The following GLP2R variants were observed in gnomAD, a reference collection of about 807,000 sequenced individuals.
GLP2R encodes the protein glucagon-like peptide 2 receptor.
GLP2R carries 59 observed loss-of-function variants against 68.2 expected under a neutral mutation model. That is an observed-to-expected ratio of 0.87 (90% CI 0.70 to 1.07). GLP2R has a LOEUF of 1.07. Among genes scored for constraint, GLP2R ranks in the 50% least tolerant of loss-of-function variants. GLP2R has a pLI of 0.00. For synonymous variants in GLP2R, 270 were observed against 265.4 expected, an observed-to-expected ratio of 1.02 and a Z score of -0.17; for missense variants, 548 against 677.4, an observed-to-expected ratio of 0.81 and a Z score of 2.12.
intron 2 of GLP2R, among the ~76,000 whole-genome samples, chr17:9,834,952 C>G (rs1011164909): frequency 2.6e-5 from 4 of 151,490 alleles, no homozygotes; most frequent in Non-Finnish European, 5.9e-5. Context: ...GCAGCCAGGT[C>G]GACATGGTGT....
At chr17:9,874,366 A>G (rs1379863854) in intron 10 of GLP2R, among the ~76,000 whole-genome samples, 2 of 150,622 alleles carry the variant, frequency 1.3e-5, no homozygotes, top group Non-Finnish European at 2.9e-5. Context: ...AAAGCTTAAG[A>G]AGAAGAACTT....
intron 9 of GLP2R, among the ~76,000 whole-genome samples, chr17:9,864,064 T>C (rs12942260): frequency 0.15 from 23,413 of 152,184 alleles, 2,508 homozygotes; most frequent in East Asian, 0.49. Flanking sequence ...GCTACACCAA[T>C]GGTTCTCAAA....
At chr17:9,842,739 G>A in intron 4 of GLP2R, 123 bp downstream of exon 4, 2 of 1,029,426 alleles carry the variant, frequency 1.9e-6, no homozygotes, top group Admixed American at 2.5e-5. Context: ...TCTCCCCGGG[G>A]AAGCTAAGGA....
chr17:9,841,390 A>G (rs1456802701), intron 3 of GLP2R, among the ~76,000 whole-genome samples: 1 of 151,924 alleles, frequency 6.6e-6, no homozygotes, highest in Non-Finnish European at 1.5e-5. Flanking sequence ...TGTGAGGGGC[A>G]GGACTGTCAG....
intron 11 of GLP2R, among the ~76,000 whole-genome samples, chr17:9,886,535 C>A (rs1335682357): frequency 2.0e-5 from 3 of 152,348 alleles, no homozygotes; most frequent in African/African-American, 7.2e-5. Flanking sequence ...CCTGTCCCGC[C>A]AACCGCATAG....
intron 2 of GLP2R, among the ~76,000 whole-genome samples, chr17:9,835,449 G>A (rs577168716): frequency 6.6e-5 from 10 of 152,010 alleles, no homozygotes; most frequent in Non-Finnish European, 1.0e-4. Context: ...CAAACACCAG[G>A]GTAAATCATC....
At chr17:9,862,281 T>C (rs2293101) in intron 9 of GLP2R, among the ~76,000 whole-genome samples, 191 bp downstream of exon 9, 37,725 of 152,118 alleles carry the variant, frequency 0.25, 7,186 homozygotes, top group African/African-American at 0.52. Context: ...TGGAGTTACA[T>C]TGTAAGCCTC....
At chr17:9,827,685 G>A (rs932586747) in intron 1 of GLP2R, among the ~76,000 whole-genome samples, 46 of 152,160 alleles carry the variant, frequency 3.0e-4, no homozygotes, top group African/African-American at 1.1e-3. Flanking sequence ...GGCTCAGACT[G>A]GGCACGGTAG....
At chr17:9,873,221 G>T (rs933009854) in intron 10 of GLP2R, among the ~76,000 whole-genome samples, 1 of 152,218 alleles carries the variant, frequency 6.6e-6, no homozygotes, top group Non-Finnish European at 1.5e-5. Context: ...GTGGACAGAG[G>T]CTAGTGTTTC....
chr17:9,851,598 T>C (rs908347328), intron 4 of GLP2R, among the ~76,000 whole-genome samples: 1 of 152,018 alleles, frequency 6.6e-6, no homozygotes, highest in African/African-American at 2.4e-5. Context: ...AGAATAATTC[T>C]AGAGAGAAAC....
intron 1 of GLP2R, among the ~76,000 whole-genome samples, chr17:9,827,527 G>C (rs569423200): frequency 6.6e-6 from 1 of 152,276 alleles, no homozygotes; most frequent in South Asian, 2.1e-4. Context: ...TGGGCATGCT[G>C]GTAGCTTGCT....
rs917296906 is a variant in GLP2R at position 9,891,620 on chromosome 17, G to A, written c.*1915G>A. On this transcript the variant is annotated 3_prime_UTR_variant, in exon 13 of 13. Transcript: ENST00000262441. ...CCCCCTTAAATTTTGCACTTGAAAT[G>A]GGATCCCCACTTGTGTCACCCCATA... is the stretch of plus-strand genomic sequence containing the variant. 1 of 152,160 alleles carries A rather than the reference G, an allele frequency of 6.6e-6. No homozygotes were observed. Among genetic ancestry groups the A allele is most frequent in the Non-Finnish European group, 1.5e-5 (1 of 68,020 alleles). 9.4% of individuals were successfully genotyped at this position (152,160 alleles called of 1,614,324 possible).
chr17:9,891,469 C>T lies in GLP2R; in HGVS notation c.*1764C>T, dbSNP rs951857605. The T allele has an allele frequency of 2.6e-5, 4 of 152,258 alleles. No individual in the cohort carries two copies. The highest frequency in any genetic ancestry group is 9.6e-5 in the African/African-American group (4 of 41,462). The allele number at this position is 152,258 out of a possible 1,614,324, so 9.4% of individuals were successfully genotyped here. A position where few individuals can be genotyped will look rare whatever the true frequency, so the allele number is the denominator to read the frequency against. On this transcript the variant is annotated 3_prime_UTR_variant, in exon 13 of 13. Transcript: ENST00000262441. ...ATAAGGGTGAGGCAGGAGAGGCCAG[C>T]TCTTGCAAGTGCAGGCTCTGGTCCT...
At position 9,866,741 on chromosome 17, in the gene GLP2R, A is replaced by G. The variant is rs150538183; in HGVS notation, c.1057-4006A>G. ...TCAGGGAATTCAGAATTTAATAGTTATCATTCTGAGACTCATCAGACTATG... is the reference window on the plus strand; with the variant it reads ...TCAGGGAATTCAGAATTTAATAGTTGTCATTCTGAGACTCATCAGACTATG... On this transcript the variant is annotated intron_variant, in intron 9 of 12. Coordinates refer to ENST00000262441, the MANE Select transcript of GLP2R (RefSeq NM_004246.3). The G allele has an allele frequency of 3.3e-5, 5 of 152,286 alleles. No individual in the cohort carries two copies. The East Asian group carries it at 7.7e-4, about 23-fold the overall frequency. 9.4% of individuals were successfully genotyped at this position (152,286 alleles called of 1,614,324 possible). A position where few individuals can be genotyped will look rare whatever the true frequency, so the allele number is the denominator to read the frequency against.
intron 4 of GLP2R, among the ~76,000 whole-genome samples, chr17:9,853,649 A>G (rs1042672320): frequency 7.9e-5 from 12 of 152,250 alleles, no homozygotes; most frequent in Admixed American, 7.2e-4. Flanking sequence ...AAAGAAACAA[A>G]CTACAAAATT....
At chr17:9,856,202 A>G (rs1437319274) in intron 5 of GLP2R, among the ~76,000 whole-genome samples, 2 of 152,178 alleles carry the variant, frequency 1.3e-5, no homozygotes, top group Admixed American at 6.5e-5. Context: ...TCCTTCCTTC[A>G]TGCCCTGTCC....
At chr17:9,876,908 T>A (rs544340007) in intron 10 of GLP2R, among the ~76,000 whole-genome samples, 1 of 152,234 alleles carries the variant, frequency 6.6e-6, no homozygotes, top group Non-Finnish European at 1.5e-5. Flanking sequence ...GTGTGTCAGA[T>A]ACCATTTTTT....
At chr17:9,879,474 G>A (rs893412930) in intron 10 of GLP2R, among the ~76,000 whole-genome samples, 1 of 152,050 alleles carries the variant, frequency 6.6e-6, no homozygotes, top group Non-Finnish European at 1.5e-5. Flanking sequence ...TCCAGCATGG[G>A]TGACAGAGGG....
rs2067290436 is a variant in GLP2R at position 9,891,504 on chromosome 17, A to G, written c.*1799A>G. 6.6e-6 allele frequency: 1 copy of G among 152,188 alleles called. No homozygotes were observed. Among genetic ancestry groups the G allele is most frequent in the Non-Finnish European group, 1.5e-5 (1 of 68,036 alleles). 9.4% of individuals were successfully genotyped at this position (152,188 alleles called of 1,614,324 possible). A position where few individuals can be genotyped will look rare whatever the true frequency, so the allele number is the denominator to read the frequency against. ...TGCAGGCTCTGGTCCTGACTTTCAA[A>G]TGTTGTCTATGAGGGACTTTTAATG... On this transcript the variant is annotated 3_prime_UTR_variant, in exon 13 of 13. Transcript: ENST00000262441.
Sources: gnomAD v4.1 joint callset for allele counts (sites outside exome capture counted in the v4.1 genomes callset) on GRCh38, gnomAD v4.1.1 for gene constraint, MANE v1.5 for transcripts, NCBI Gene and HGNC (gene_info 2026-07-23, HGNC 2026-07-21) for gene names.